ESCO1: variants seen among roughly 807,000 people sequenced by gnomAD.
ESCO1 encodes the protein establishment of sister chromatid cohesion N-acetyltransferase 1.
A neutral mutation model predicts 83.5 loss-of-function variants in ESCO1; 33 were observed. The ratio of observed to expected loss-of-function variants is 0.40; its 90% CI spans 0.30 to 0.53. The LOEUF is 0.53. Ranked by LOEUF, ESCO1 falls within the 20% of genes least tolerant of loss-of-function variation. The probability of loss-of-function intolerance (pLI) is 0.63; values close to 1 mark genes in which losing one functional copy is unlikely to be tolerated. For missense variants in ESCO1, 855 were observed against 968.0 expected, an observed-to-expected ratio of 0.88 and a Z score of 1.55; for synonymous variants, 332 against 324.3, an observed-to-expected ratio of 1.02 and a Z score of -0.25.
At chr18:21,594,708 A>AC (rs1344955158) in intron 1 of ESCO1, among the ~76,000 whole-genome samples, 1 of 151,596 alleles carries the variant, frequency 6.6e-6, no homozygotes, top group Non-Finnish European at 1.5e-5. Flanking sequence ...CATCTCAAAA[A>AC]AAAAAAGACT....
chr18:21,562,131 C>T (rs979055775), intron 7 of ESCO1, among the ~76,000 whole-genome samples: 6 of 151,718 alleles, frequency 4.0e-5, no homozygotes, highest in South Asian at 4.2e-4. Context: ...CCACCTGCCT[C>T]GGCCTCCCAA....
chr18:21,545,086 C>T (rs1343365355), intron 8 of ESCO1, among the ~76,000 whole-genome samples: 1 of 152,162 alleles, frequency 6.6e-6, no homozygotes, highest in Non-Finnish European at 1.5e-5. Context: ...AAGCTGTGTA[C>T]TCGCTGTGTA....
At chr18:21,544,909 G>A (rs1361645363) in intron 8 of ESCO1, among the ~76,000 whole-genome samples, 1 of 152,182 alleles carries the variant, frequency 6.6e-6, no homozygotes, top group African/African-American at 2.4e-5. Flanking sequence ...AGTCAGCGTT[G>A]CAGCCAGACC....
chr18:21,532,224 A>G (rs2037776105), intron 11 of ESCO1, among the ~76,000 whole-genome samples: 1 of 152,200 alleles, frequency 6.6e-6, no homozygotes, highest in African/African-American at 2.4e-5. Context: ...GCCTAACATC[A>G]TAGTTACAAA....
chr18:21,548,330 A>G (rs187101597), intron 8 of ESCO1, among the ~76,000 whole-genome samples: 1 of 151,562 alleles, frequency 6.6e-6, no homozygotes, highest in East Asian at 2.0e-4. Flanking sequence ...CTGTCTCTAC[A>G]AAAAAAATAG....
chr18:21,558,817 T>C (rs1040635805), intron 8 of ESCO1, among the ~76,000 whole-genome samples: 1 of 152,142 alleles, frequency 6.6e-6, no homozygotes, highest in African/African-American at 2.4e-5. Flanking sequence ...CAAAACTTTA[T>C]TTCCACTTCC....
intron 8 of ESCO1, among the ~76,000 whole-genome samples, chr18:21,546,737 G>A (rs934037471): frequency 2.0e-5 from 3 of 152,140 alleles, no homozygotes; most frequent in Admixed American, 6.6e-5. Flanking sequence ...TGTAGAGACA[G>A]GGTTTTGCCA....
At chr18:21,596,001 T>C (rs971194294) in intron 1 of ESCO1, among the ~76,000 whole-genome samples, 1 of 151,310 alleles carries the variant, frequency 6.6e-6, no homozygotes, top group Non-Finnish European at 1.5e-5. Context: ...TAAAAATAAA[T>C]AAATAAAAAG....
intron 6 of ESCO1, among the ~76,000 whole-genome samples, chr18:21,565,584 G>T (rs1445605025): frequency 6.6e-6 from 1 of 152,150 alleles, no homozygotes; most frequent in East Asian, 1.9e-4. Flanking sequence ...TGTTCATAAA[G>T]CATAGAACTG....
chr18:21,540,591 A>G (rs1292098852), intron 8 of ESCO1: 2 of 1,326,424 alleles, frequency 1.5e-6, no homozygotes, highest in Non-Finnish European at 2.0e-6. Context: ...TAAGAATCTA[A>G]TAGGGAAGGA....
intron 1 of ESCO1, among the ~76,000 whole-genome samples, chr18:21,592,275 A>G (rs2038682484): frequency 2.0e-5 from 3 of 148,654 alleles, no homozygotes; most frequent in Admixed American, 6.6e-5. Context: ...CACCTCCTGG[A>G]CGGGGCAGCT....
chr18:21,598,713 AC>A (rs1780221880), intron 1 of ESCO1, among the ~76,000 whole-genome samples: 1 of 152,090 alleles, frequency 6.6e-6, no homozygotes, highest in Non-Finnish European at 1.5e-5. Flanking sequence ...AAAAAAAAAA[AC>A]AAACAATTAC....
At chr18:21,561,643 G>GCAATATAGATAT (rs2038187519) in intron 7 of ESCO1, among the ~76,000 whole-genome samples, 1 of 152,148 alleles carries the variant, frequency 6.6e-6, no homozygotes, top group African/African-American at 2.4e-5. Flanking sequence ...GACCAGGTTG[G>GCAATATAGATAT]TCTTGAACTC....
At chr18:21,598,850 G>A (rs1043036231) in intron 1 of ESCO1, among the ~76,000 whole-genome samples, 1 of 152,130 alleles carries the variant, frequency 6.6e-6, no homozygotes, top group Non-Finnish European at 1.5e-5. Context: ...TGCTTCCAAA[G>A]TCACATATCT....
intron 8 of ESCO1, among the ~76,000 whole-genome samples, chr18:21,549,627 T>C (rs1245279975): frequency 6.6e-6 from 1 of 151,668 alleles, no homozygotes; most frequent in African/African-American, 2.4e-5. Context: ...GTTGGTCCGG[T>C]TGGTTTCAAT....
intron 8 of ESCO1, among the ~76,000 whole-genome samples, chr18:21,549,721 C>A (rs1429879069): frequency 6.6e-6 from 1 of 152,144 alleles, no homozygotes; most frequent in African/African-American, 2.4e-5. Context: ...GATCTCAGCA[C>A]TTTGGGAGGC....
intron 8 of ESCO1, among the ~76,000 whole-genome samples, chr18:21,544,382 G>A (rs1351105702): frequency 1.3e-5 from 2 of 151,806 alleles, no homozygotes; most frequent in African/African-American, 4.8e-5. Context: ...CAAGGCAGGC[G>A]GATTACCTGA....
intron 1 of ESCO1, among the ~76,000 whole-genome samples, chr18:21,588,578 A>G (rs2038615803): frequency 6.6e-6 from 1 of 152,200 alleles, no homozygotes; most frequent in Admixed American, 6.5e-5. Flanking sequence ...CACAGATTAT[A>G]CAATATGTAT....
In ESCO1 at chr18:21,555,715, T is replaced by C. The variant is rs895263896; in HGVS notation, c.1953+5144A>G. Among the ~76,000 whole-genome samples, 5 of 152,110 alleles carry C rather than the reference T, an allele frequency of 3.3e-5. No individual in the cohort carries two copies. The South Asian group carries it at 6.2e-4, about 19-fold the overall frequency. The stretch of plus-strand genomic sequence containing the variant: ...TGCTCAGGATGGTGAGGCAGGAAGA[T>C]AGCTTGAGCCCAGGAGGTTGAGACT... On this transcript the variant is annotated intron_variant, in intron 8 of 11. Transcript: ENST00000269214.
Sources: allele counts gnomAD v4.1 joint callset (sites outside exome capture counted in the v4.1 genomes callset), GRCh38; gene constraint gnomAD v4.1.1; transcripts MANE v1.5; gene names NCBI Gene and HGNC (gene_info 2026-07-23, HGNC 2026-07-21).